Variants in AKR1C8 observed in about 807,000 individuals in gnomAD.
AKR1C8 encodes the protein aldo-keto reductase family 1 member C-like protein 1.
At chr10:5,137,531 C>CTTT in the AKR1C8 span, among the ~76,000 whole-genome samples, 1 of 152,022 alleles carries the variant, frequency 6.6e-6, no homozygotes, top group African/African-American at 2.4e-5. Context: ...GAGAAAAGGC[C>CTTT]TTCGACAAAA....
At chr10:5,169,587 A>AT in the AKR1C8 span, among the ~76,000 whole-genome samples, 6 of 148,194 alleles carry the variant, frequency 4.0e-5, no homozygotes, top group Non-Finnish European at 9.0e-5. Context: ...GGAAAGATCC[A>AT]TGTTTTTTTT....
At chr10:5,180,217 G>A in the AKR1C8 span, among the ~76,000 whole-genome samples, 4 of 152,232 alleles carry the variant, frequency 2.6e-5, no homozygotes, top group African/African-American at 9.6e-5. Context: ...CTGCAGGTCT[G>A]TTGGAGTTTG....
At chr10:5,179,422 C>G in the AKR1C8 span, among the ~76,000 whole-genome samples, 2,666 of 152,240 alleles carry the variant, frequency 0.018, 76 homozygotes, top group African/African-American at 0.061. Flanking sequence ...TTTTTTCCTT[C>G]ATTTCAACTT....
At chr10:5,145,077 T>G in the AKR1C8 span, among the ~76,000 whole-genome samples, 3 of 152,044 alleles carry the variant, frequency 2.0e-5, no homozygotes, top group East Asian at 5.8e-4. Flanking sequence ...GTTTTTAGCA[T>G]GAAGGGTTGT....
the AKR1C8 span, among the ~76,000 whole-genome samples, chr10:5,140,838 A>ATAG: frequency 6.6e-6 from 1 of 151,970 alleles, no homozygotes; most frequent in African/African-American, 2.4e-5. Flanking sequence ...ATAATTTAAA[A>ATAG]AAAGAAAGAA....
At chr10:5,145,840 A>C in the AKR1C8 span, among the ~76,000 whole-genome samples, 1 of 152,132 alleles carries the variant, frequency 6.6e-6, no homozygotes, top group Non-Finnish European at 1.5e-5. Context: ...CAGCCATCCC[A>C]TTACTGGGTA....
the AKR1C8 span, among the ~76,000 whole-genome samples, chr10:5,117,765 A>C: frequency 2.9e-4 from 44 of 152,156 alleles, 2 homozygotes; most frequent in South Asian, 8.9e-3. Flanking sequence ...TGAGAGAGGA[A>C]AGCAAGAGAG....
the AKR1C8 span, among the ~76,000 whole-genome samples, chr10:5,183,062 G>T: frequency 6.6e-6 from 1 of 152,038 alleles, no homozygotes. Flanking sequence ...TGTCAAACTT[G>T]CCATACATTT....
the AKR1C8 span, among the ~76,000 whole-genome samples, chr10:5,134,236 T>A: frequency 3.9e-5 from 6 of 152,172 alleles, no homozygotes; most frequent in African/African-American, 1.4e-4. Context: ...TTCCATGTTG[T>A]GCTTTTCCTT....
chr10:5,169,849 G>A, the AKR1C8 span, among the ~76,000 whole-genome samples: 3 of 152,020 alleles, frequency 2.0e-5, no homozygotes, highest in Non-Finnish European at 4.4e-5. Flanking sequence ...TAGGGTTGAG[G>A]CTGAGTAAGA....
chr10:5,123,707 T>C, the AKR1C8 span: 6 of 1,604,530 alleles, frequency 3.7e-6, no homozygotes, highest in East Asian at 1.3e-4. Flanking sequence ...GATGCTCTTA[T>C]TACCATAGTT....
the AKR1C8 span, among the ~76,000 whole-genome samples, chr10:5,166,224 A>G: frequency 3.3e-5 from 5 of 152,098 alleles, no homozygotes; most frequent in African/African-American, 4.8e-5. Flanking sequence ...AAGGTAATTT[A>G]TAGATTCAAT....
the AKR1C8 span, among the ~76,000 whole-genome samples, chr10:5,181,119 G>A: frequency 3.3e-4 from 50 of 152,182 alleles, no homozygotes; most frequent in African/African-American, 1.1e-3. Flanking sequence ...GTTCCTATTC[G>A]GCCTTCTTGG....
chr10:5,140,151 A>G, the AKR1C8 span, among the ~76,000 whole-genome samples: 2 of 152,138 alleles, frequency 1.3e-5, no homozygotes, highest in African/African-American at 2.4e-5. Flanking sequence ...GAAACAACAG[A>G]TGCTGGAGAG....
the AKR1C8 span, chr10:5,162,739 C>G: frequency 5.4e-6 from 2 of 370,290 alleles, no homozygotes; most frequent in African/African-American, 2.1e-5. Context: ...CTATAATATG[C>G]CTTCATAATA....
the AKR1C8 span, among the ~76,000 whole-genome samples, chr10:5,175,666 T>A: frequency 1.3e-5 from 2 of 152,334 alleles, no homozygotes; most frequent in East Asian, 1.9e-4. Context: ...ATGATTGCCA[T>A]TCTAACTGGT....
At chr10:5,158,466 A>T in the AKR1C8 span, 1 of 367,292 alleles carries the variant, frequency 2.7e-6, no homozygotes, top group African/African-American at 2.1e-5. Context: ...ACATGGGAAC[A>T]AACTACACCG....
the AKR1C8 span, among the ~76,000 whole-genome samples, chr10:5,156,971 A>G: frequency 6.6e-6 from 1 of 152,228 alleles, no homozygotes; most frequent in South Asian, 2.1e-4. Flanking sequence ...TACAAGGTCC[A>G]GAGTGGATGT....
chr10:5,153,083 C>T, the AKR1C8 span, among the ~76,000 whole-genome samples: 10 of 152,254 alleles, frequency 6.6e-5, no homozygotes, highest in South Asian at 6.2e-4. Context: ...CTAACAACTA[C>T]GTACTTATAT....
Sources: gnomAD v4.1 joint callset for allele counts (sites outside exome capture counted in the v4.1 genomes callset) on GRCh38, gnomAD v4.1.1 for gene constraint, MANE v1.5 for transcripts, NCBI Gene and HGNC (gene_info 2026-07-23, HGNC 2026-07-21) for gene names.